Variants in XG observed in about 807,000 individuals in gnomAD.
The protein encoded by XG is Xg glycoprotein (Xg blood group).
A neutral mutation model predicts 25.7 loss-of-function variants in XG; 24 were observed. That is an observed-to-expected ratio of 0.93 (90% CI 0.68 to 1.31). The LOEUF is 1.31. XG is among the 40% of genes most tolerant of loss of function. XG has a pLI of 0.00. For synonymous variants in XG, 77 were observed against 69.2 expected (o/e 1.11, Z -0.56); for missense variants, 181 against 187.6 (o/e 0.96, Z 0.21).
chrX:2,782,106 C>G lies in XG; in HGVS notation c.168C>G (p.Pro56=). The change falls in exon 4 of 11, where the codon CCC becomes CCG. Residue 56 remains proline, a synonymous_variant. Transcript: ENST00000644266. ...CAAAACCACCTTACTACCCACAGCC[C>G]GAGAATCCCGACAGCGGTGGAAGTA... is the stretch of plus-strand genomic sequence containing the variant. The part of the protein sequence containing the change: ...PKPKPPYYPQ[P]ENPDSGGNIY... 8.3e-7 allele frequency: 1 copy of G among 1,211,805 alleles called. No individual in the cohort carries two copies.
chrX:2,762,005 A>G (rs967725040), intron 1 of XG, among the ~76,000 whole-genome samples: 3 of 152,154 alleles, frequency 2.0e-5, no homozygotes, highest in Non-Finnish European at 2.9e-5. Flanking sequence ...GCTGATGAGA[A>G]ACACTGTGTC....
intron 1 of XG, among the ~76,000 whole-genome samples, chrX:2,767,030 G>A (rs1362727935): frequency 6.6e-6 from 1 of 151,690 alleles, no homozygotes; most frequent in Admixed American, 6.6e-5. Flanking sequence ...TCAGAGACAT[G>A]GGGGCTGGAG....
intron 3 of XG, among the ~76,000 whole-genome samples, chrX:2,775,822 GGCACATGTCTGTAATCCCA>G (rs1249318007): frequency 1.3e-5 from 2 of 151,654 alleles, no homozygotes; most frequent in African/African-American, 2.4e-5. Context: ...TGGGCATGAT[GGCACATGTCTGTAATCCCA>G]GCTACTCGGG....
chrX:2,811,244 G>A (rs373051869), intron 9 of XG, 92 bp from the exon 10 acceptor site: 5 of 664,054 alleles, frequency 7.5e-6, no homozygotes, highest in African/African-American at 2.2e-5. Flanking sequence ...GGCAAAAACC[G>A]CAATAACTTT....
intron 1 of XG, among the ~76,000 whole-genome samples, chrX:2,756,255 T>C (rs1420100087): frequency 5.9e-5 from 9 of 152,106 alleles, no homozygotes; most frequent in Non-Finnish European, 1.0e-4. Context: ...AATCAGGTCT[T>C]CTAACAGCTG....
intron 1 of XG, among the ~76,000 whole-genome samples, chrX:2,760,017 G>A (rs2050528734): frequency 6.6e-6 from 1 of 152,188 alleles, no homozygotes; most frequent in Admixed American, 6.5e-5. Flanking sequence ...CAGGCATGGA[G>A]GCGTGTGCCT....
At chrX:2,769,734 G>A (rs980909223) in intron 1 of XG, among the ~76,000 whole-genome samples, 13 of 152,278 alleles carry the variant, frequency 8.5e-5, no homozygotes, top group African/African-American at 3.1e-4. Flanking sequence ...TCTTCTCTCT[G>A]CTGCAGACAC....
intron 1 of XG, among the ~76,000 whole-genome samples, chrX:2,759,057 A>T (rs28710337): frequency 6.6e-6 from 1 of 150,818 alleles, no homozygotes; most frequent in Non-Finnish European, 1.5e-5. Context: ...TCCGTCTATC[A>T]ATCTATCTAT....
chrX:2,761,731 C>T (rs1256813935), intron 1 of XG, among the ~76,000 whole-genome samples: 1 of 151,884 alleles, frequency 6.6e-6, no homozygotes, highest in Non-Finnish European at 1.5e-5. Flanking sequence ...GAGATGAGGA[C>T]ACAGACGCAC....
chrX:2,765,376 G>GGGAAGGAAGGAAGGAA lies in XG; in HGVS notation c.62-5149_62-5134dup, dbSNP rs56267419. ...AGAGAAAGAGAGAAAGAGGGAGGGA[G>GGGAAGGAAGGAAGGAA]GGAAGGAAGGAAGGAAGGAAGGAAG... is the stretch of plus-strand genomic sequence containing the variant. On this transcript the variant is annotated intron_variant, in intron 1 of 10. Coordinates refer to ENST00000644266, the MANE Select transcript of XG (RefSeq NM_001141919.2). 7.4e-3 allele frequency among the ~76,000 whole-genome samples: 1,069 copies of GGGAAGGAAGGAAGGAA among 144,110 alleles called. 16 individuals are homozygous for GGGAAGGAAGGAAGGAA. The highest frequency in any genetic ancestry group is 0.021 in the African/African-American group (803 of 38,164). 94.5% of individuals were successfully genotyped at this position (144,110 alleles called of 152,430 possible).
At chrX:2,787,974 A>G (rs2086801098) in intron 4 of XG, among the ~76,000 whole-genome samples, 4 of 107,169 alleles carry the variant, frequency 3.7e-5, no homozygotes, top group African/African-American at 1.4e-4. Context: ...TCCTAGCTAT[A>G]CTCAGGAGGC....
intron 1 of XG, among the ~76,000 whole-genome samples, chrX:2,760,690 G>T (rs758899994): frequency 1.4e-5 from 2 of 139,126 alleles, no homozygotes; most frequent in Non-Finnish European, 3.0e-5. Flanking sequence ...AGCCGAGATC[G>T]CACTACTGCA....
At chrX:2,767,863 G>C (rs886665631) in intron 1 of XG, among the ~76,000 whole-genome samples, 3 of 152,148 alleles carry the variant, frequency 2.0e-5, no homozygotes, top group African/African-American at 7.2e-5. Context: ...CAACGGCCTC[G>C]TGTGTGTGAG....
intron 1 of XG, among the ~76,000 whole-genome samples, chrX:2,762,488 C>T (rs973900440): frequency 6.6e-6 from 1 of 152,050 alleles, no homozygotes; most frequent in Non-Finnish European, 1.5e-5. Flanking sequence ...TCTGCAGCCC[C>T]GGTGAGCTTG....
At chrX:2,798,785 C>T (rs1310855552) in intron 7 of XG, among the ~76,000 whole-genome samples, 1 of 111,448 alleles carries the variant, frequency 9.0e-6, no homozygotes, top group East Asian at 2.8e-4. Flanking sequence ...GGATTACAGA[C>T]GTGAGCCACC....
chrX:2,811,665 G>A (rs1046163539), intron 10 of XG, among the ~76,000 whole-genome samples: 24 of 111,515 alleles, frequency 2.2e-4, no homozygotes, highest in African/African-American at 6.9e-4. Context: ...GCAGGACCTC[G>A]GCTCACTGCA....
At chrX:2,754,150 G>A (rs1157240621) in intron 1 of XG, among the ~76,000 whole-genome samples, 1 of 152,042 alleles carries the variant, frequency 6.6e-6, no homozygotes, top group African/African-American at 2.4e-5. Context: ...CTAGACTGGA[G>A]TGCGGTGGTT....
At position 2,782,090 on chromosome X, in the gene XG, C is replaced by G; in HGVS notation, c.152C>G (p.Pro51Arg). Residue 51 changes from proline (P) to arginine (R), a missense_variant, in exon 4 of 11, where the codon CCT becomes CGT. Transcript: ENST00000644266. ...GATATCTACCCAAAGCCAAAACCAC[C>G]TTACTACCCACAGCCCGAGAATCCC... is the stretch of plus-strand genomic sequence containing the variant. Reference protein sequence around the residue: ...NSDIYPKPKPPYYPQPENPDS... With the variant: ...NSDIYPKPKPRYYPQPENPDS... 8.3e-7 allele frequency: 1 copy of G among 1,211,835 alleles called. No individual in the cohort carries two copies. The highest frequency in any genetic ancestry group is 1.1e-6 in the Non-Finnish European group (1 of 895,437).
At chrX:2,752,904 T>C (rs1457643349) in intron 1 of XG, 1 of 985,272 alleles carries the variant, frequency 1.0e-6, no homozygotes, top group Non-Finnish European at 1.2e-6. Context: ...GCAGGCTGGC[T>C]GTCCCAGATC....
Sources: allele counts gnomAD v4.1 joint callset (sites outside exome capture counted in the v4.1 genomes callset), GRCh38; gene constraint gnomAD v4.1.1; transcripts MANE v1.5; gene names NCBI Gene and HGNC (gene_info 2026-07-23, HGNC 2026-07-21).